Variants in PBX1 observed in about 807,000 individuals in gnomAD.
PBX1 encodes the protein PBX homeobox 1.
Under a neutral mutation model 53.4 loss-of-function variants are expected in PBX1, and 6 were observed. That is an observed-to-expected ratio of 0.11 (90% confidence interval 0.06 to 0.22). The LOEUF is 0.22. Ranked by LOEUF, PBX1 falls within the 10% of genes least tolerant of loss-of-function variation. PBX1 has a pLI of 1.00. For missense variants in PBX1, 251 were observed against 551.4 expected (o/e 0.46, Z 5.46); for synonymous variants, 204 against 212.3 (o/e 0.96, Z 0.34).
At chr1:164,649,333 A>G (rs910625236) in intron 2 of PBX1, among the ~76,000 whole-genome samples, 1 of 152,184 alleles carries the variant, frequency 6.6e-6, no homozygotes, top group African/African-American at 2.4e-5. Flanking sequence ...AGTGCTTAGT[A>G]TGAGGTGCTG....
intron 2 of PBX1, among the ~76,000 whole-genome samples, chr1:164,886,016 G>A (rs979161553): frequency 6.6e-6 from 1 of 151,416 alleles, no homozygotes; most frequent in African/African-American, 2.5e-5. Flanking sequence ...GAATGATTTA[G>A]GTGATTAATA....
At chr1:164,704,807 T>C (rs1397211452) in intron 2 of PBX1, among the ~76,000 whole-genome samples, 1 of 152,214 alleles carries the variant, frequency 6.6e-6, no homozygotes, top group Admixed American at 6.5e-5. Flanking sequence ...TCCTTGCTGA[T>C]TTTCCAGCAT....
intron 2 of PBX1, among the ~76,000 whole-genome samples, chr1:164,878,923 T>C (rs1046736194): frequency 6.6e-6 from 1 of 152,180 alleles, no homozygotes; most frequent in African/African-American, 2.4e-5. Context: ...AGCCGGAGCA[T>C]AATCTGCCTT....
At chr1:164,560,388 G>A (rs893879665) in intron 1 of PBX1, 4 of 394,826 alleles carry the variant, frequency 1.0e-5, no homozygotes, top group Non-Finnish European at 1.8e-5. Flanking sequence ...GTTTTGAACA[G>A]CATTCCATGC....
At chr1:164,884,674 A>T in intron 2 of PBX1, 1 of 345,666 alleles carries the variant, frequency 2.9e-6, no homozygotes, top group Non-Finnish European at 5.6e-6. Context: ...TGACTTTTGA[A>T]GAAGCAAAAG....
rs1357423172 is a variant in PBX1, at chr1:164,771,004, G to T, written c.266-21490G>T. ...TAGGATGGGTACACTTCACTCCCAG[G>T]CCTCCTGGGAGGCCTCCTCTACCCT... On this transcript the variant is annotated intron_variant, in intron 2 of 8. Transcript: ENST00000420696. The T allele has an allele frequency of 2.0e-5, 3 of 151,942 alleles. No individual in the cohort carries two copies. In the East Asian group the frequency reaches 5.8e-4, roughly 30 times the overall value. 9.4% of individuals were successfully genotyped at this position (151,942 alleles called of 1,614,324 possible). A position where few individuals can be genotyped will look rare whatever the true frequency, so the allele number is the denominator to read the frequency against.
intron 2 of PBX1, among the ~76,000 whole-genome samples, chr1:164,678,983 C>T (rs74117974): frequency 0.013 from 1,918 of 152,318 alleles, 38 homozygotes; most frequent in African/African-American, 0.044. Context: ...AAATTATCCT[C>T]ACATAGGCAG....
intron 2 of PBX1, among the ~76,000 whole-genome samples, chr1:164,716,954 T>A (rs981776872): frequency 6.6e-6 from 1 of 152,080 alleles, no homozygotes. Context: ...TCAGGGTGTT[T>A]GTGGTGGGGA....
chr1:164,575,999 G>C (rs1654205239), intron 2 of PBX1, among the ~76,000 whole-genome samples: 1 of 151,964 alleles, frequency 6.6e-6, no homozygotes, highest in Non-Finnish European at 1.5e-5. Flanking sequence ...TGGGAAAAAA[G>C]AAAAAACAAA....
chr1:164,878,243 T>C (rs1296052163), intron 2 of PBX1, among the ~76,000 whole-genome samples: 3 of 152,188 alleles, frequency 2.0e-5, no homozygotes, highest in African/African-American at 7.2e-5. Context: ...CATTATAGGG[T>C]TACTGTGAGG....
chr1:164,741,850 T>G (rs748584177), intron 2 of PBX1, among the ~76,000 whole-genome samples: 1 of 151,552 alleles, frequency 6.6e-6, no homozygotes, highest in Non-Finnish European at 1.5e-5. Context: ...AGGAAAAAAA[T>G]GTCACCATCA....
intron 2 of PBX1, chr1:164,774,353 G>A (rs931577413): frequency 1.3e-5 from 2 of 152,144 alleles, no homozygotes; most frequent in African/African-American, 2.4e-5. Flanking sequence ...CTCCATCTGG[G>A]AGGTATAAAA....
intron 2 of PBX1, among the ~76,000 whole-genome samples, chr1:164,609,199 A>C (rs1656745138): frequency 6.6e-6 from 1 of 151,776 alleles, no homozygotes; most frequent in Non-Finnish European, 1.5e-5. Flanking sequence ...CACTACACTG[A>C]TGTACAGGAA....
chr1:164,657,443 G>C (rs534684128), intron 2 of PBX1: 21 of 152,188 alleles, frequency 1.4e-4, no homozygotes, highest in Non-Finnish European at 2.6e-4. Context: ...CAAAGTAACA[G>C]TAAATGCTTA....
chr1:164,884,625 C>A, intron 2 of PBX1: 1 of 477,198 alleles, frequency 2.1e-6, no homozygotes, highest in South Asian at 1.8e-5. Context: ...ATGTCTTCCC[C>A]TATCTGAAAA....
At chr1:164,676,577 T>C (rs570367322) in intron 2 of PBX1, among the ~76,000 whole-genome samples, 10 of 152,178 alleles carry the variant, frequency 6.6e-5, no homozygotes, top group Non-Finnish European at 1.2e-4. Context: ...GTCAACAGCT[T>C]TTTGGGCACA....
intron 2 of PBX1, among the ~76,000 whole-genome samples, chr1:164,667,967 C>T (rs907204968): frequency 6.6e-5 from 10 of 152,176 alleles, no homozygotes; most frequent in African/African-American, 2.4e-4. Flanking sequence ...CAAATGGCTG[C>T]CCCCTTCTCC....
At chr1:164,874,823 C>T (rs1040134302) in intron 2 of PBX1, among the ~76,000 whole-genome samples, 2 of 152,168 alleles carry the variant, frequency 1.3e-5, no homozygotes, top group African/African-American at 2.4e-5. Flanking sequence ...CATCAATCCA[C>T]ACTCACAATC....
At chr1:164,567,291 A>G (rs996829260) in intron 2 of PBX1, among the ~76,000 whole-genome samples, 2 of 152,184 alleles carry the variant, frequency 1.3e-5, no homozygotes, top group Non-Finnish European at 2.9e-5. Flanking sequence ...AAATAGGAGT[A>G]AAATAACTTT....
Sources: gnomAD v4.1 joint callset for allele counts (sites outside exome capture counted in the v4.1 genomes callset) on GRCh38, gnomAD v4.1.1 for gene constraint, MANE v1.5 for transcripts, NCBI Gene and HGNC (gene_info 2026-07-23, HGNC 2026-07-21) for gene names.